The following DSTYK variants were observed in gnomAD, a reference collection of about 807,000 sequenced individuals.
DSTYK encodes RIP-homologous kinase.
DSTYK carries 34 observed loss-of-function variants against 98.7 expected under a neutral mutation model. That is an observed-to-expected ratio of 0.34 (90% confidence interval 0.26 to 0.46). DSTYK has a LOEUF of 0.46. DSTYK is among the 20% of genes least tolerant of loss of function. The probability of loss-of-function intolerance (pLI) is 1.00; values close to 1 mark genes in which losing one functional copy is unlikely to be tolerated. For synonymous variants in DSTYK, 462 were observed against 457.3 expected, an observed-to-expected ratio of 1.01 and a Z score of -0.13; for missense variants, 962 against 1,181.7, an observed-to-expected ratio of 0.81 and a Z score of 2.73.
chr1:205,162,778 A>C (rs1657771234), intron 5 of DSTYK, 145 bp downstream of exon 5: 1 of 641,562 alleles, frequency 1.6e-6, no homozygotes, highest in East Asian at 2.6e-5. Flanking sequence ...GGCATAAACC[A>C]GAATTCTCCC....
intron 2 of DSTYK, among the ~76,000 whole-genome samples, chr1:205,183,992 A>T (rs1658494975): frequency 6.6e-6 from 1 of 152,234 alleles, no homozygotes; most frequent in Non-Finnish European, 1.5e-5. Context: ...ATGAAACAAC[A>T]TGAGAGGCTA....
chr1:205,169,068 C>A lies in DSTYK; in HGVS notation c.1324+95G>T. The A allele has an allele frequency of 8.6e-7, 1 of 1,160,856 alleles. No homozygotes were observed. The highest frequency in any genetic ancestry group is 1.5e-5 in the South Asian group (1 of 65,226). 71.9% of individuals were successfully genotyped at this position (1,160,856 alleles called of 1,614,324 possible). On this transcript the variant is annotated intron_variant, in intron 3 of 12. Transcript: ENST00000367162. This position sits in a 1 kb window ranked among gnomAD's most constrained non-coding sequence, Gnocchi z 4.0. ...GGTGGATGAAGTTACCCTGAGATTC[C>A]TTTAACCTTAGGAATTAACGTTCTT...
At chr1:205,191,962 A>T (rs1158503063) in intron 1 of DSTYK, among the ~76,000 whole-genome samples, 1 of 151,742 alleles carries the variant, frequency 6.6e-6, no homozygotes, top group Non-Finnish European at 1.5e-5. Context: ...CTGGAGGAAA[A>T]ATCATATCAA....
intron 1 of DSTYK, chr1:205,202,528 G>T: frequency 2.3e-6 from 2 of 874,106 alleles, no homozygotes; most frequent in Non-Finnish European, 3.8e-6. Flanking sequence ...TTCTCTGGTC[G>T]TTGGGCATAT....
Position 205,211,484 on chromosome 1 carries a change from G to C in DSTYK, c.52C>G (p.Pro18Ala). ...WGSEPVSGPG[P>A]GGGGMIRELC... ...TCGCGGATCATTCCGCCGCCGCCGG[G>C]GCCGGGACCCGAGACGGGCTCGCTG... Residue 18 changes from proline (P) to alanine (A), a missense_variant, in exon 1 of 13, where the codon CCC becomes GCC. By Grantham distance (27) the Pro-to-Ala change is conservative. This residue lies in a region of DSTYK where 168 missense variants were observed against 120.0 expected (regional missense o/e 1.40). Transcript: ENST00000367162. 3 of 1,584,104 alleles carry C rather than the reference G, an allele frequency of 1.9e-6. No individual in the cohort carries two copies. Among genetic ancestry groups the C allele is most frequent in the Admixed American group, 1.7e-5 (1 of 57,980 alleles).
intron 1 of DSTYK, among the ~76,000 whole-genome samples, chr1:205,208,295 T>C (rs905159085): frequency 2.0e-5 from 3 of 152,240 alleles, no homozygotes; most frequent in Non-Finnish European, 1.5e-5. Context: ...TTTACTCTTT[T>C]GTGGGTGAAA....
At chr1:205,161,070 G>A (rs918238984) in intron 7 of DSTYK, among the ~76,000 whole-genome samples, 188 bp downstream of exon 7, 1 of 152,114 alleles carries the variant, frequency 6.6e-6, no homozygotes, top group Non-Finnish European at 1.5e-5. Context: ...CACCACACCT[G>A]GCCTGGTCAT....
rs1194933717 is a variant in DSTYK, at chr1:205,169,428, A to G, written c.1059T>C (p.Thr353=). 6.2e-7 allele frequency: 1 copy of G among 1,614,180 alleles called. No homozygotes were observed. Among genetic ancestry groups the G allele is most frequent in the South Asian group, 1.1e-5 (1 of 91,080 alleles). ...LSTFSHQVLQ[T]RLVDAAKALN... ...GGGCCTTGGCTGCATCCACCAGGCGAGTCTGTAACACCTGGTGAGAAAATG... is the reference window on the plus strand; with the variant it reads ...GGGCCTTGGCTGCATCCACCAGGCGGGTCTGTAACACCTGGTGAGAAAATG... Residue 353 remains threonine (T), a synonymous_variant, in exon 3 of 13, where the codon ACT becomes ACC. Transcript: ENST00000367162. This position sits in a 1 kb window ranked among gnomAD's most constrained non-coding sequence, Gnocchi z 4.0.
chr1:205,178,524 T>C (rs1011964358), intron 2 of DSTYK, among the ~76,000 whole-genome samples: 6 of 152,218 alleles, frequency 3.9e-5, no homozygotes, highest in African/African-American at 1.4e-4. Context: ...TATACTTCTG[T>C]ATTATTAACC....
chr1:205,180,721 T>C (rs1396734280), intron 2 of DSTYK, among the ~76,000 whole-genome samples: 1 of 152,194 alleles, frequency 6.6e-6, no homozygotes, highest in Non-Finnish European at 1.5e-5. Flanking sequence ...TGCCTCGGCC[T>C]CCCAAAGTGC....
In DSTYK at chr1:205,187,754, C is replaced by T. The variant is rs1205487223; in HGVS notation, c.318G>A (p.Gln106=). The change falls in exon 2 of 13, where the codon CAG becomes CAA. Residue 106 remains glutamine (Q), a synonymous_variant. Coordinates refer to ENST00000367162, the MANE Select transcript of DSTYK (RefSeq NM_015375.3). The part of the protein sequence containing the change: ...FPPKEEKYLQ[Q]IVDCLPCILI... ...GTATGCAAGGGAGGCAGTCCACAAT[C>T]TGCTGGAGGTACTTCTCTTCCTTAG... 6.2e-7 allele frequency: 1 copy of T among 1,614,056 alleles called. No homozygotes were observed. The highest frequency in any genetic ancestry group is 8.5e-7 in the Non-Finnish European group (1 of 1,180,040).
rs756229043 is a variant in DSTYK, at chr1:205,187,669, G to A, written c.403C>T (p.Gln135Ter). 1.2e-6 allele frequency: 2 copies of A among 1,614,214 alleles called. No homozygotes were observed. Among genetic ancestry groups the A allele is most frequent in the Non-Finnish European group, 1.7e-6 (2 of 1,180,042 alleles). Residue 135 changes from glutamine to a stop codon, truncating the protein, a stop_gained, in exon 2 of 13, where the codon CAG (glutamine) becomes TAG (stop). Transcript: ENST00000367162. LOFTEE classifies it high-confidence loss of function. ...CCCAGCTTGGTGGTGGGAAGCACCT[G>A]CACCCCCAACAGCAGATTCAACAGC... ...CQLLNLLLGV[Q>*]VLPTTKLGSE... is the part of the protein sequence containing the mutation.
chr1:205,149,311 T>C (rs1452960113), intron 11 of DSTYK, among the ~76,000 whole-genome samples: 1 of 151,922 alleles, frequency 6.6e-6, no homozygotes, highest in East Asian at 1.9e-4. Context: ...AATCCTTACA[T>C]GTATCACCCA....
At chr1:205,189,893 A>G in intron 1 of DSTYK, among the ~76,000 whole-genome samples, 1 of 152,206 alleles carries the variant, frequency 6.6e-6, no homozygotes, top group East Asian at 1.9e-4. Flanking sequence ...AATTCTGTGC[A>G]AGGGTATTTA....
Position 205,159,644 on chromosome 1 carries a change from TG to T in DSTYK, c.2140del (p.His714MetfsTer32), listed in dbSNP as rs760628615. On this transcript the variant is annotated frameshift_variant, in exon 9 of 13. Transcript: ENST00000367162. LOFTEE classifies it high-confidence loss of function. ...ATAGTTGTAGTCAATGACTGAACCA[TG>T]GAGATCCACCAATCGCTCATGCTTC... Reference protein sequence around the residue: ...LPKHERLVDLHGSVIDYNYGG... With the variant: ...LPKHERLVDLXGSVIDYNYGG... The T allele has an allele frequency of 1.2e-6, 2 of 1,613,652 alleles. No individual in the cohort carries two copies. Among genetic ancestry groups the T allele is most frequent in the Non-Finnish European group, 8.5e-7 (1 of 1,179,906 alleles).
intron 11 of DSTYK, 50 bp from the exon 12 acceptor site, chr1:205,148,389 C>T: frequency 1.2e-6 from 2 of 1,605,170 alleles, no homozygotes; most frequent in African/African-American, 1.3e-5. Flanking sequence ...AGTCAGGCAG[C>T]AGCATCTACA....
chr1:205,207,906 C>A (rs1022286200), intron 1 of DSTYK, among the ~76,000 whole-genome samples: 6 of 151,402 alleles, frequency 4.0e-5, no homozygotes, highest in African/African-American at 1.5e-4. Flanking sequence ...GACAGAGTTT[C>A]GCTCTTCTTG....
At chr1:205,159,523 A>G in intron 9 of DSTYK, 24 bp downstream of exon 9, 3 of 1,597,794 alleles carry the variant, frequency 1.9e-6, no homozygotes, top group Non-Finnish European at 8.5e-7. Flanking sequence ...TTTGGCTGCC[A>G]GCTGGATCTT....
At chr1:205,167,770 C>T (rs1471010584) in intron 3 of DSTYK, among the ~76,000 whole-genome samples, 1 of 152,168 alleles carries the variant, frequency 6.6e-6, no homozygotes, top group Non-Finnish European at 1.5e-5. Context: ...AACAATAGTT[C>T]AGTTAGACTT....
Sources: gnomAD v4.1 joint callset for allele counts (sites outside exome capture counted in the v4.1 genomes callset) on GRCh38, gnomAD v4.1.1 for gene constraint, gnomAD v4.1.1 regional missense constraint, Gnocchi (gnomAD v3.1) non-coding constraint, MANE v1.5 for transcripts, NCBI Gene and HGNC (gene_info 2026-07-23, HGNC 2026-07-21) for gene names.